FBXW10: variants seen among roughly 807,000 people sequenced by gnomAD.
FBXW10 encodes F-box and WD repeat domain containing 10.
Under a neutral mutation model 113.1 loss-of-function variants are expected in FBXW10, and 68 were observed. That is an observed-to-expected ratio of 0.60 (90% CI 0.49 to 0.74). The LOEUF (loss-of-function observed/expected upper bound fraction) is 0.74, where lower values mean the gene tolerates loss of function less well. Ranked by LOEUF, FBXW10 falls within the 30% of genes least tolerant of loss-of-function variation. The pLI is 0.00. For synonymous variants in FBXW10, 289 were observed against 481.6 expected (o/e 0.60, Z 5.24); for missense variants, 753 against 1,284.5 (o/e 0.59, Z 6.32).
intron 1 of FBXW10, among the ~76,000 whole-genome samples, chr17:18,746,024 T>A (rs941570313): frequency 6.6e-6 from 1 of 152,172 alleles, no homozygotes; most frequent in African/African-American, 2.4e-5. Flanking sequence ...CTTCCACTTA[T>A]GGTGGAATGC....
intron 1 of FBXW10, among the ~76,000 whole-genome samples, chr17:18,747,102 A>G (rs900346610): frequency 1.3e-5 from 2 of 150,794 alleles, no homozygotes; most frequent in African/African-American, 4.9e-5. Context: ...TTTTTTTTGT[A>G]TTTCTAATAG....
rs369742505 is a variant in FBXW10 at position 18,744,195 on chromosome 17, G to C, written c.-50G>C. ...CCCCGTTCCTCTAGTGTTTGGTGGCGTTGCCGTTGCAAGTGCGCAGGGCTA... is the reference window on the plus strand; with the variant it reads ...CCCCGTTCCTCTAGTGTTTGGTGGCCTTGCCGTTGCAAGTGCGCAGGGCTA... On this transcript the variant is annotated 5_prime_UTR_variant, in exon 1 of 14. Coordinates refer to ENST00000395665, the MANE Select transcript of FBXW10 (RefSeq NM_001267585.2). 3 of 1,535,560 alleles carry C rather than the reference G, an allele frequency of 2.0e-6. No individual in the cohort carries two copies. The highest frequency in any genetic ancestry group is 2.0e-5 in the Admixed American group (1 of 51,030).
intron 12 of FBXW10, among the ~76,000 whole-genome samples, chr17:18,774,783 G>A (rs866978840): frequency 2.0e-5 from 3 of 152,126 alleles, no homozygotes; most frequent in African/African-American, 7.2e-5. Context: ...CAACAAGAGC[G>A]AAACTGCATC....
chr17:18,775,643 C>T (rs1216873331), intron 13 of FBXW10, among the ~76,000 whole-genome samples: 2 of 152,122 alleles, frequency 1.3e-5, no homozygotes, highest in South Asian at 2.1e-4. Context: ...TTTTAAGAGA[C>T]TTCATTAGGA....
intron 5 of FBXW10, among the ~76,000 whole-genome samples, chr17:18,751,961 T>C (rs188360424): frequency 7.2e-5 from 11 of 152,328 alleles, no homozygotes; most frequent in African/African-American, 2.2e-4. Flanking sequence ...TTGATATTCC[T>C]AAAACCATTA....
chr17:18,763,153 G>A (rs2151814377), intron 7 of FBXW10, among the ~76,000 whole-genome samples: 1 of 151,502 alleles, frequency 6.6e-6, no homozygotes, highest in Admixed American at 6.6e-5. Flanking sequence ...TGTGAAGTAA[G>A]TACAATTTTT....
chr17:18,747,883 C>A (rs2035068583), intron 1 of FBXW10, 58 bp from the exon 2 acceptor site: 1 of 1,612,582 alleles, frequency 6.2e-7, no homozygotes, highest in East Asian at 2.2e-5. Flanking sequence ...CTCTCCACCT[C>A]ATTTTCCTCA....
rs954534091 is a variant in FBXW10 at position 18,748,223 on chromosome 17, T to G, written c.670+118T>G. 31 of 1,485,542 alleles carry G rather than the reference T, an allele frequency of 2.1e-5. No homozygotes were observed. In the African/African-American group the frequency reaches 4.1e-4, roughly 20 times the overall value. The allele number at this position is 1,485,542 out of a possible 1,614,324, so 92.0% of individuals were successfully genotyped here. A position where few individuals can be genotyped will look rare whatever the true frequency, so the allele number is the denominator to read the frequency against. On this transcript the variant is annotated intron_variant, in intron 2 of 13. Coordinates refer to ENST00000395665, the MANE Select transcript of FBXW10 (RefSeq NM_001267585.2). ...TCATGAGGTCAGGAGATCGAGACCA[T>G]CCTGGCTAACACGGTGAAACCCCGT...
At position 18,768,628 on chromosome 17, in the gene FBXW10, G is replaced by A; in HGVS notation, c.1799G>A (p.Ser600Asn). The A allele has an allele frequency of 6.2e-7, 1 of 1,613,982 alleles. No individual in the cohort carries two copies. Among genetic ancestry groups the A allele is most frequent in the Non-Finnish European group, 8.5e-7 (1 of 1,179,888 alleles). ...ACTGATGGCCTGGTCATGGCCTGGA[G>A]CATGGTGGGGAAGTACGAGCGCTGC... ...GSTDGLVMAW[S>N]MVGKYERCLM... Residue 600 changes from serine to asparagine, a missense_variant, in exon 10 of 14, where the codon AGC becomes AAC. Ser to Asn is a conservative substitution (Grantham distance 46, BLOSUM62 1). Coordinates refer to ENST00000395665, the MANE Select transcript of FBXW10 (RefSeq NM_001267585.2).
At chr17:18,777,802 CAA>C (rs1460097465) in intron 13 of FBXW10, among the ~76,000 whole-genome samples, 1 of 151,618 alleles carries the variant, frequency 6.6e-6, no homozygotes, top group East Asian at 2.0e-4. Flanking sequence ...CTGGGTCTCC[CAA>C]AGTGTGGGGA....
chr17:18,767,476 G>A (rs1398428228), intron 9 of FBXW10, among the ~76,000 whole-genome samples: 2 of 151,640 alleles, frequency 1.3e-5, no homozygotes, highest in Non-Finnish European at 2.9e-5. Flanking sequence ...GGCATGGGGT[G>A]AGGGGATGAA....
intron 1 of FBXW10, among the ~76,000 whole-genome samples, chr17:18,747,672 G>C (rs1416696592): frequency 6.6e-6 from 1 of 152,044 alleles, no homozygotes; most frequent in Non-Finnish European, 1.5e-5. Context: ...ATTCCCTGTT[G>C]CAATTCCTGA....
At chr17:18,756,432 C>A (rs147719420) in intron 6 of FBXW10, among the ~76,000 whole-genome samples, 11,553 of 151,944 alleles carry the variant, frequency 0.076, 374 homozygotes, top group South Asian at 0.12. Context: ...TTTGAAATAT[C>A]TTTATTTTGT....
At position 18,751,042 on chromosome 17, in the gene FBXW10, C is replaced by A; in HGVS notation, c.1111C>A (p.Leu371Met). 6.2e-7 allele frequency: 1 copy of A among 1,613,884 alleles called. No individual in the cohort carries two copies. Among genetic ancestry groups the A allele is most frequent in the Non-Finnish European group, 8.5e-7 (1 of 1,179,920 alleles). Residue 371 changes from leucine (L) to methionine (M), a missense_variant, in exon 5 of 14, where the codon CTG (leucine) becomes ATG (methionine). Transcript: ENST00000395665. ...GCGTGTGAAACATCCGAAGTGGAAG[C>A]TGAGAACGAAGGTGGGTTCCAACAG... is the stretch of plus-strand genomic sequence containing the variant. Reference protein sequence around the residue: ...SMRVKHPKWKLRTKNEYNLWT... With the variant: ...SMRVKHPKWKMRTKNEYNLWT...
chr17:18,751,244 G>A lies in FBXW10; in HGVS notation c.1122+191G>A, dbSNP rs576268339. On this transcript the variant is annotated intron_variant, in intron 5 of 13. Transcript: ENST00000395665. ...TTCCTCTTTTTTTTTTTTTTTTAAT[G>A]AGATGGAGTCTCGCTATGTCACCCA... Among the ~76,000 whole-genome samples the A allele has an allele frequency of 2.4e-3, 349 of 143,082 alleles. 1 individual carries two copies. Among genetic ancestry groups the A allele is most frequent in the Middle Eastern group, 7.6e-3 (2 of 264 alleles). 93.9% of individuals were successfully genotyped at this position (143,082 alleles called of 152,430 possible). A position where few individuals can be genotyped will look rare whatever the true frequency, so the allele number is the denominator to read the frequency against.
Position 18,759,072 on chromosome 17 carries a change from A to G in FBXW10, c.1433+567A>G, listed in dbSNP as rs1300281942. 3.3e-5 allele frequency among the ~76,000 whole-genome samples: 5 copies of G among 152,240 alleles called. 1 individual carries two copies. The East Asian group carries it at 9.6e-4, about 29-fold the overall frequency. ...GTAGTCCCAGCTACTCGGGACGCTGAGGCAGGAGAATGGTGTGAACCTGGG... is the reference window on the plus strand; with the variant it reads ...GTAGTCCCAGCTACTCGGGACGCTGGGGCAGGAGAATGGTGTGAACCTGGG... On this transcript the variant is annotated intron_variant, in intron 7 of 13. Transcript: ENST00000395665.
chr17:18,763,146 G>C (rs2035419101), intron 7 of FBXW10, among the ~76,000 whole-genome samples: 1 of 151,394 alleles, frequency 6.6e-6, no homozygotes, highest in African/African-American at 2.4e-5. Flanking sequence ...ATAACTCTGT[G>C]AAGTAAGTAC....
chr17:18,752,876 C>T, intron 5 of FBXW10, among the ~76,000 whole-genome samples: 1 of 152,106 alleles, frequency 6.6e-6, no homozygotes, highest in Non-Finnish European at 1.5e-5. Flanking sequence ...TGAACGTGGA[C>T]CTGTTTTTGT....
At chr17:18,772,021 C>T (rs1386603983) in intron 11 of FBXW10, among the ~76,000 whole-genome samples, 2 of 152,072 alleles carry the variant, frequency 1.3e-5, no homozygotes, top group East Asian at 1.9e-4. Flanking sequence ...GCACGAGAAT[C>T]GCTTGAACCC....
Sources: gnomAD v4.1 joint callset for allele counts (sites outside exome capture counted in the v4.1 genomes callset) on GRCh38, gnomAD v4.1.1 for gene constraint, MANE v1.5 for transcripts, NCBI Gene and HGNC (gene_info 2026-07-23, HGNC 2026-07-21) for gene names.